Variants in RHCE observed in about 807,000 individuals in gnomAD.
The protein encoded by RHCE is blood group Rh(CE) polypeptide.
RHCE carries 22 observed loss-of-function variants against 43.8 expected under a neutral mutation model. That is an observed-to-expected ratio of 0.50 (90% CI 0.36 to 0.72). RHCE has a LOEUF of 0.72. RHCE is among the 30% of genes least tolerant of loss of function. The pLI is 0.00. For missense variants in RHCE, 385 were observed against 525.4 expected (o/e 0.73, Z 2.61); for synonymous variants, 156 against 210.7 (o/e 0.74, Z 2.25).
rs2042747291 is a variant in RHCE at position 25,420,742 on chromosome 1, G to A, written c.45C>T (p.Leu15=). 6.2e-7 allele frequency: 1 copy of A among 1,608,932 alleles called. No homozygotes were observed. Among genetic ancestry groups the A allele is most frequent in the Non-Finnish European group, 8.5e-7 (1 of 1,176,732 alleles). The change falls in exon 1 of 10, where the codon CTC becomes CTT. Residue 15 remains leucine (L), a synonymous_variant. Transcript: ENST00000294413. The part of the protein sequence containing the change: ...YPRSVRRCLP[L]CALTLEAALI... ...GAGCTGCTTCCAGTGTTAGGGCGCA[G>A]AGGGGCAGGCAGCGCCGGACAGACC...
intron 2 of RHCE, among the ~76,000 whole-genome samples, chr1:25,407,826 GC>G (rs1646963473): frequency 8.1e-6 from 1 of 123,158 alleles, no homozygotes; most frequent in Admixed American, 8.8e-5. Flanking sequence ...TCCACCTCCT[GC>G]CCAGGTAACC....
intron 3 of RHCE, among the ~76,000 whole-genome samples, chr1:25,392,972 A>G (rs961873272): frequency 4.1e-4 from 63 of 152,184 alleles, no homozygotes; most frequent in African/African-American, 1.5e-3. Flanking sequence ...TTAACTCTGC[A>G]GGAGTGATGA....
At chr1:25,403,254 G>A (rs1218096737) in intron 2 of RHCE, among the ~76,000 whole-genome samples, 1 of 151,994 alleles carries the variant, frequency 6.6e-6, no homozygotes, top group South Asian at 2.1e-4. Context: ...GGACAAGCCC[G>A]GCTTCCAGTC....
chr1:25,415,272 C>G (rs1213707575), intron 1 of RHCE, among the ~76,000 whole-genome samples: 1 of 152,138 alleles, frequency 6.6e-6, no homozygotes, highest in Non-Finnish European at 1.5e-5. Context: ...AACACACACC[C>G]CAGAAAATGC....
At position 25,399,317 on chromosome 1, in the gene RHCE, C is replaced by T. The variant is rs1027756135; in HGVS notation, c.486+3279G>A. The stretch of plus-strand genomic sequence containing the variant: ...GATAAGTCCATTGGTGGACAGCCTT[C>T]TTCTCTTAATCACAAGATTATTTTC... On this transcript the variant is annotated intron_variant, in intron 3 of 9. Coordinates refer to ENST00000294413, the MANE Select transcript of RHCE (RefSeq NM_020485.8). The T allele has an allele frequency of 2.2e-5, 17 of 781,200 alleles. 1 individual carries two copies. Among genetic ancestry groups the T allele is most frequent in the Non-Finnish European group, 3.8e-5 (17 of 449,020 alleles). 48.4% of individuals were successfully genotyped at this position (781,200 alleles called of 1,614,324 possible).
intron 2 of RHCE, 126 bp from the exon 3 acceptor site, chr1:25,402,872 A>T: frequency 7.3e-7 from 1 of 1,373,708 alleles, no homozygotes; most frequent in East Asian, 2.4e-5. Flanking sequence ...AGAAGACAAG[A>T]TTTCTACCCA....
chr1:25,383,172 C>CA (rs1200149794), intron 7 of RHCE, among the ~76,000 whole-genome samples: 1 of 152,196 alleles, frequency 6.6e-6, no homozygotes, highest in Admixed American at 6.5e-5. Context: ...CTGCATGATT[C>CA]AATGCCATTT....
At chr1:25,427,649 C>G (rs909833) in intron 2 of RHCE, among the ~76,000 whole-genome samples, 88,350 of 152,154 alleles carry the variant, frequency 0.58, 26,912 homozygotes, top group African/African-American at 0.75. Flanking sequence ...GCTCTGGCCT[C>G]TCCTTGGGTC....
At chr1:25,411,144 A>C (rs1647062236) in intron 1 of RHCE, among the ~76,000 whole-genome samples, 2 of 152,210 alleles carry the variant, frequency 1.3e-5, no homozygotes, top group South Asian at 4.1e-4. Context: ...TACGTGTTTC[A>C]ACTTCATAGC....
chr1:25,382,451 G>GT lies in RHCE; in HGVS notation c.1073+3259dup, dbSNP rs1202458969. On this transcript the variant is annotated intron_variant, in intron 7 of 9. Coordinates refer to ENST00000294413, the MANE Select transcript of RHCE (RefSeq NM_020485.8). ...ATATAGCTTATACTATATAAGTTGG[G>GT]TTTTTTTTTTTAAGTAATAAGTGGC... is the stretch of plus-strand genomic sequence containing the variant. 1.1e-3 allele frequency among the ~76,000 whole-genome samples: 153 copies of GT among 139,784 alleles called. 2 individuals carry two copies. The highest frequency in any genetic ancestry group is 3.5e-3 in the Middle Eastern group (1 of 286). The allele number at this position is 139,784 out of a possible 152,430, so 91.7% of individuals were successfully genotyped here. A position where few individuals can be genotyped will look rare whatever the true frequency, so the allele number is the denominator to read the frequency against.
intron 5 of RHCE, 74 bp from the exon 6 acceptor site, chr1:25,389,187 C>A: frequency 6.6e-7 from 1 of 1,509,832 alleles, no homozygotes; most frequent in Non-Finnish European, 9.1e-7. Context: ...GTGACCAGCA[C>A]GCTGGGAACA....
chr1:25,386,842 AACACACACACAC>A (rs3079633), intron 6 of RHCE, among the ~76,000 whole-genome samples: 52 of 138,890 alleles, frequency 3.7e-4, no homozygotes, highest in African/African-American at 8.2e-4. Flanking sequence ...ACAACAACAA[AACACACACACAC>A]ACACACACAC....
intron 1 of RHCE, 67 bp downstream of exon 1, chr1:25,420,572 C>T: frequency 6.2e-7 from 1 of 1,613,786 alleles, no homozygotes; most frequent in South Asian, 1.1e-5. Context: ...CCCTGGAGAA[C>T]CATAGGCCTC....
intron 3 of RHCE, among the ~76,000 whole-genome samples, chr1:25,399,542 A>G (rs1279045774): frequency 6.6e-6 from 1 of 151,374 alleles, no homozygotes; most frequent in Non-Finnish European, 1.5e-5. Context: ...TTAGCATATG[A>G]TCAAACTTCC....
chr1:25,389,790 G>A (rs371115514), intron 5 of RHCE, among the ~76,000 whole-genome samples: 33 of 152,222 alleles, frequency 2.2e-4, no homozygotes, highest in African/African-American at 7.9e-4. Context: ...GCTGGGCCTT[G>A]TTCCTGGGTT....
intron 1 of RHCE, among the ~76,000 whole-genome samples, chr1:25,416,873 C>T (rs1021829854): frequency 1.1e-3 from 161 of 143,446 alleles, no homozygotes; most frequent in Non-Finnish European, 2.0e-3. Context: ...TTGGTTTAAG[C>T]AATCCTCCCC....
chr1:25,369,151 A>T (rs1645525362), intron 9 of RHCE, among the ~76,000 whole-genome samples: 1 of 151,782 alleles, frequency 6.6e-6, no homozygotes, highest in Admixed American at 6.6e-5. Context: ...GAGAAGGAAA[A>T]GAAGGGGCAG....
chr1:25,418,273 C>T (rs932854648), intron 1 of RHCE, among the ~76,000 whole-genome samples: 8 of 151,174 alleles, frequency 5.3e-5, no homozygotes, highest in Non-Finnish European at 1.2e-4. Flanking sequence ...GTGATCTGCC[C>T]GCCTTGGCCT....
chr1:25,362,319 C>A lies in RHCE; in HGVS notation c.*208G>T, dbSNP rs1645422272. ...TATTGATAGCATCATCCTAATGAAA[C>A]TAAACATTTATTTTAAACTTATTAA... is the stretch of plus-strand genomic sequence containing the variant. On this transcript the variant is annotated 3_prime_UTR_variant, in exon 10 of 10. Coordinates refer to ENST00000294413, the MANE Select transcript of RHCE (RefSeq NM_020485.8). 8.6e-7 allele frequency: 1 copy of A among 1,157,890 alleles called. No individual in the cohort carries two copies. The highest frequency in any genetic ancestry group is 2.6e-5 in the Admixed American group (1 of 38,584). 71.7% of individuals were successfully genotyped at this position (1,157,890 alleles called of 1,614,324 possible). A position where few individuals can be genotyped will look rare whatever the true frequency, so the allele number is the denominator to read the frequency against.
Sources: allele counts gnomAD v4.1 joint callset (sites outside exome capture counted in the v4.1 genomes callset), GRCh38; gene constraint gnomAD v4.1.1; transcripts MANE v1.5; gene names NCBI Gene and HGNC (gene_info 2026-07-23, HGNC 2026-07-21).